The following SVEP1 variants were observed in gnomAD, a reference collection of about 807,000 sequenced individuals.
SVEP1 encodes the protein sushi, von Willebrand factor type A, EGF and pentraxin domain-containing protein 1.
Under a neutral mutation model 367.3 loss-of-function variants are expected in SVEP1, and 164 were observed. The ratio of observed to expected loss-of-function variants is 0.45; its 90% CI spans 0.39 to 0.51. The LOEUF is 0.51. SVEP1 is among the 20% of genes least tolerant of loss of function. The pLI, the probability that SVEP1 is intolerant of heterozygous loss-of-function variation, is 0.00. For missense variants in SVEP1, 4,117 were observed against 4,425.3 expected (o/e 0.93, Z 1.98); for synonymous variants, 1,666 against 1,611.6 (o/e 1.03, Z -0.81).
chr9:110,571,569 C>T (rs907042654), intron 1 of SVEP1, among the ~76,000 whole-genome samples: 10 of 152,196 alleles, frequency 6.6e-5, no homozygotes, highest in African/African-American at 2.4e-4. Context: ...CATTTTCCCT[C>T]TGAATTTTCT....
intron 43 of SVEP1, among the ~76,000 whole-genome samples, chr9:110,379,934 G>A (rs1451318194): frequency 6.6e-6 from 1 of 152,122 alleles, no homozygotes; most frequent in Non-Finnish European, 1.5e-5. Flanking sequence ...TTGTATCAGG[G>A]CTATTTTATT....
chr9:110,386,159 A>C, intron 42 of SVEP1, 85 bp from the exon 43 acceptor site: 1 of 1,427,480 alleles, frequency 7.0e-7, no homozygotes, highest in Non-Finnish European at 9.4e-7. Flanking sequence ...TAGTCCTATA[A>C]GAGATGGGTT....
chr9:110,557,131 A>G (rs1173163149), intron 1 of SVEP1, among the ~76,000 whole-genome samples: 1 of 152,190 alleles, frequency 6.6e-6, no homozygotes, highest in African/African-American at 2.4e-5. Context: ...TATATTTAAC[A>G]TTATTTATGG....
chr9:110,397,689 A>G (rs1249438522), intron 40 of SVEP1, among the ~76,000 whole-genome samples: 1 of 152,178 alleles, frequency 6.6e-6, no homozygotes, highest in Non-Finnish European at 1.5e-5. Flanking sequence ...AAGCATTCTT[A>G]TACACCAATA....
intron 3 of SVEP1, among the ~76,000 whole-genome samples, chr9:110,530,269 TAA>T (rs1015617976): frequency 2.0e-5 from 3 of 152,158 alleles, no homozygotes; most frequent in Non-Finnish European, 4.4e-5. Flanking sequence ...GGTATTTTGG[TAA>T]AGATTTTTGC....
chr9:110,519,381 T>C (rs1829849993), intron 3 of SVEP1, among the ~76,000 whole-genome samples: 1 of 152,176 alleles, frequency 6.6e-6, no homozygotes, highest in Non-Finnish European at 1.5e-5. Context: ...TCTTTCCCTT[T>C]CCTATCTTCC....
intron 1 of SVEP1, among the ~76,000 whole-genome samples, chr9:110,550,922 G>A (rs1830278140): frequency 6.6e-6 from 1 of 152,086 alleles, no homozygotes; most frequent in Non-Finnish European, 1.5e-5. Context: ...GACTATAAAG[G>A]CACAAGAACT....
At chr9:110,469,142 C>T (rs376491293) in intron 16 of SVEP1, 41 bp from the exon 17 acceptor site, 37 of 1,552,026 alleles carry the variant, frequency 2.4e-5, no homozygotes, top group African/African-American at 1.9e-4. Context: ...TAAACTACAA[C>T]GGTGGAACAC....
chr9:110,545,876 C>G (rs975276250), intron 3 of SVEP1, among the ~76,000 whole-genome samples: 5 of 152,118 alleles, frequency 3.3e-5, no homozygotes, highest in African/African-American at 1.2e-4. Context: ...CATTTTAGGT[C>G]AGACTATTGT....
intron 3 of SVEP1, among the ~76,000 whole-genome samples, chr9:110,531,105 A>G (rs1830012860): frequency 6.6e-6 from 1 of 152,176 alleles, no homozygotes. Flanking sequence ...ATAATATGGC[A>G]TGCAAATAAT....
chr9:110,442,260 T>A (rs1048197832), intron 27 of SVEP1, among the ~76,000 whole-genome samples: 1 of 152,244 alleles, frequency 6.6e-6, no homozygotes, highest in South Asian at 2.1e-4. Flanking sequence ...CTGACCACAA[T>A]AAAAGCATCT....
At chr9:110,390,215 T>TTGTATATATACTTACATAAGTATG (rs1827620528) in intron 40 of SVEP1, among the ~76,000 whole-genome samples, 1 of 63,060 alleles carries the variant, frequency 1.6e-5, no homozygotes, top group Non-Finnish European at 3.3e-5. Flanking sequence ...ATGTATATAC[T>TTGTATATATACTTACATAAGTATG]TGTATATATA....
At chr9:110,514,968 C>T (rs908109303) in intron 3 of SVEP1, among the ~76,000 whole-genome samples, 3 of 152,162 alleles carry the variant, frequency 2.0e-5, no homozygotes, top group South Asian at 4.1e-4. Flanking sequence ...CATAATCCAA[C>T]CGACAGGAAC....
At chr9:110,390,336 C>CTTATATAAGTATGTGT (rs1288152358) in intron 40 of SVEP1, among the ~76,000 whole-genome samples, 3 of 22,976 alleles carry the variant, frequency 1.3e-4, no homozygotes, top group Admixed American at 5.7e-4. Flanking sequence ...TATATATACA[C>CTTATATAAGTATGTGT]ATACTTATAT....
At chr9:110,374,616 G>A (rs117803070) in intron 46 of SVEP1, among the ~76,000 whole-genome samples, 1,823 of 152,174 alleles carry the variant, frequency 0.012, 28 homozygotes, top group Middle Eastern at 0.024. Flanking sequence ...CGCCACTGCA[G>A]TCCAGCCTGG....
rs1476660474 is a variant in SVEP1 at position 110,369,142 on chromosome 9, T to C, written c.10694+781A>G. Among the ~76,000 whole-genome samples, 3 of 152,176 alleles carry C rather than the reference T, an allele frequency of 2.0e-5. No individual in the cohort carries two copies. In the East Asian group the frequency reaches 5.8e-4, roughly 29 times the overall value. On this transcript the variant is annotated intron_variant, in intron 47 of 47. Coordinates refer to ENST00000374469, the MANE Select transcript of SVEP1 (RefSeq NM_153366.4). ...AAATATAGCTGATAATATTTCAACA[T>C]TGCAACATTGGTGAGGACAATGTTT...
chr9:110,406,278 C>T lies in SVEP1; in HGVS notation c.9322G>A (p.Gly3108Arg), dbSNP rs370881963. 8.7e-6 allele frequency: 14 copies of T among 1,614,076 alleles called. No homozygotes were observed. The highest frequency in any genetic ancestry group is 1.1e-5 in the Non-Finnish European group (13 of 1,179,910). ...ACTGGATAAGGCTGGCTCCATACCC[C>T]TTTCTCTGTACAAATCAGATCTGAA... ...GSSDLICTEK[G>R]VWSQPYPVCE... is the part of the protein sequence containing the mutation. Residue 3108 changes from glycine to arginine, a missense_variant, in exon 38 of 48, where the codon GGG becomes AGG. Gly to Arg is a moderately radical substitution (Grantham distance 125). Transcript: ENST00000374469.
intron 5 of SVEP1, among the ~76,000 whole-genome samples, chr9:110,512,228 G>GC (rs1425786552): frequency 6.6e-6 from 1 of 152,032 alleles, no homozygotes; most frequent in South Asian, 2.1e-4. Flanking sequence ...CCCTTTGCTC[G>GC]CCCCCCTTTT....
In SVEP1 at chr9:110,409,507, A is replaced by G. The variant is rs199505336; in HGVS notation, c.6649-556T>C. 9.2e-5 allele frequency among the ~76,000 whole-genome samples: 14 copies of G among 152,286 alleles called. No homozygotes were observed. In the East Asian group the frequency reaches 2.7e-3, roughly 29 times the overall value. ...ATCCTTACTACAGTTTTGAGCCCATAACAAGTAAAAGATCAGTAATCTATA... is the reference window on the plus strand; with the variant it reads ...ATCCTTACTACAGTTTTGAGCCCATGACAAGTAAAAGATCAGTAATCTATA... On this transcript the variant is annotated intron_variant, in intron 37 of 47. Coordinates refer to ENST00000374469, the MANE Select transcript of SVEP1 (RefSeq NM_153366.4).
Sources: allele counts gnomAD v4.1 joint callset (sites outside exome capture counted in the v4.1 genomes callset), GRCh38; gene constraint gnomAD v4.1.1; transcripts MANE v1.5; gene names NCBI Gene and HGNC (gene_info 2026-07-23, HGNC 2026-07-21).